Variants in NRXN1 observed in about 807,000 individuals in gnomAD.
NRXN1 encodes the protein neurexin-1.
A neutral mutation model predicts 150.9 loss-of-function variants in NRXN1; 39 were observed. The observed-to-expected ratio is 0.26, with a 90% CI of 0.20 to 0.34. The LOEUF is 0.34. Among genes scored for constraint, NRXN1 ranks in the 10% least tolerant of loss-of-function variants. The probability of loss-of-function intolerance (pLI) is 1.00; values close to 1 mark genes in which losing one functional copy is unlikely to be tolerated. For synonymous variants in NRXN1, 924 were observed against 757.0 expected (o/e 1.22, Z -3.62); for missense variants, 1,815 against 1,949.9 (o/e 0.93, Z 1.30).
At chr2:50,088,973 G>T (rs1018748259) in intron 19 of NRXN1, among the ~76,000 whole-genome samples, 2 of 152,020 alleles carry the variant, frequency 1.3e-5, no homozygotes, top group African/African-American at 2.4e-5. Flanking sequence ...ATGATGTTTG[G>T]CTAATATATC....
rs147717901 is a variant in NRXN1, at chr2:51,014,642, A to G, written c.772+12860T>C. Among the ~76,000 whole-genome samples, 152 of 152,196 alleles carry G rather than the reference A, an allele frequency of 1.0e-3. 1 individual carries two copies. The East Asian group carries it at 0.015, about 15-fold the overall frequency. On this transcript the variant is annotated intron_variant, in intron 2 of 22. Coordinates refer to ENST00000401669, the MANE Select transcript of NRXN1 (RefSeq NM_001330078.2). ...TTTTATAAATAAAAAAGAAGGAATT[A>G]CAAGTGAAGAGTCTGGCCTCAGGAT... is the stretch of plus-strand genomic sequence containing the variant.
intron 17 of NRXN1, among the ~76,000 whole-genome samples, chr2:50,294,950 T>C (rs2073389314): frequency 6.6e-6 from 1 of 152,242 alleles, no homozygotes; most frequent in Non-Finnish European, 1.5e-5. Context: ...AGAGGAATGG[T>C]TTCTTAGGAA....
chr2:50,385,612 C>A (rs1228325247), intron 17 of NRXN1, among the ~76,000 whole-genome samples: 1 of 152,160 alleles, frequency 6.6e-6, no homozygotes, highest in African/African-American at 2.4e-5. Context: ...CACACTACCA[C>A]CACTTTGATT....
At chr2:49,936,917 T>C (rs1481301613) in intron 22 of NRXN1, among the ~76,000 whole-genome samples, 1 of 152,116 alleles carries the variant, frequency 6.6e-6, no homozygotes, top group Non-Finnish European at 1.5e-5. Flanking sequence ...GAATAAAAAC[T>C]GGTTGCTGGG....
chr2:50,785,679 G>GA (rs1334856817), intron 5 of NRXN1, among the ~76,000 whole-genome samples: 1 of 152,130 alleles, frequency 6.6e-6, no homozygotes, highest in Non-Finnish European at 1.5e-5. Flanking sequence ...AGCACTGAGA[G>GA]AAAGTCTGAA....
chr2:50,398,297 G>A (rs563048099), intron 17 of NRXN1, among the ~76,000 whole-genome samples: 2 of 152,214 alleles, frequency 1.3e-5, no homozygotes, highest in South Asian at 4.1e-4. Flanking sequence ...AAAGTTTACT[G>A]GCTATTGTAC....
intron 21 of NRXN1, chr2:49,973,922 G>A (rs1448104538): frequency 1.4e-6 from 1 of 706,900 alleles, no homozygotes; most frequent in African/African-American, 1.8e-5. Flanking sequence ...CCTGCATGCT[G>A]CAGATCTAAG....
chr2:49,928,457 A>ACAC (rs1293504207), intron 22 of NRXN1, among the ~76,000 whole-genome samples: 11 of 152,134 alleles, frequency 7.2e-5, no homozygotes, highest in Non-Finnish European at 1.3e-4. Flanking sequence ...ATAGATGTGG[A>ACAC]AGTTATTATA....
chr2:50,661,210 G>T (rs931515012), intron 5 of NRXN1, among the ~76,000 whole-genome samples: 5 of 152,022 alleles, frequency 3.3e-5, no homozygotes, highest in Admixed American at 3.3e-4. Flanking sequence ...AAGGTTGAAA[G>T]AATCTCTGGT....
At chr2:50,397,080 C>T (rs2082099697) in intron 17 of NRXN1, among the ~76,000 whole-genome samples, 1 of 152,044 alleles carries the variant, frequency 6.6e-6, no homozygotes, top group Admixed American at 6.6e-5. Flanking sequence ...ATGCAAGGAC[C>T]CTACTGTGCA....
intron 17 of NRXN1, among the ~76,000 whole-genome samples, chr2:50,451,642 A>G (rs570970352): frequency 6.6e-6 from 1 of 152,322 alleles, no homozygotes; most frequent in East Asian, 1.9e-4. Flanking sequence ...TTTGAAAGAG[A>G]AGAATGCAGA....
At chr2:50,234,563 T>C (rs1162840673) in intron 18 of NRXN1, among the ~76,000 whole-genome samples, 1 of 152,098 alleles carries the variant, frequency 6.6e-6, no homozygotes, top group Non-Finnish European at 1.5e-5. Flanking sequence ...TTGTTGAGTC[T>C]GTAATGTCTA....
At chr2:50,689,836 T>C (rs1157602608) in intron 5 of NRXN1, among the ~76,000 whole-genome samples, 1 of 150,620 alleles carries the variant, frequency 6.6e-6, no homozygotes. Context: ...TCCCATCAGC[T>C]TGTTTTTTTT....
At chr2:50,457,932 C>CA (rs900119693) in intron 17 of NRXN1, among the ~76,000 whole-genome samples, 1 of 152,038 alleles carries the variant, frequency 6.6e-6, no homozygotes, top group African/African-American at 2.4e-5. Flanking sequence ...GGTGGTTCCT[C>CA]AAAAAATCAA....
In NRXN1 at chr2:49,939,061, TG is replaced by T. The variant is rs1224809235; in HGVS notation, c.4216+4642del. 3.3e-5 allele frequency among the ~76,000 whole-genome samples: 5 copies of T among 152,334 alleles called. No individual in the cohort carries two copies. The East Asian group carries it at 9.6e-4, about 29-fold the overall frequency. On this transcript the variant is annotated intron_variant, in intron 22 of 22. Coordinates refer to ENST00000401669, the MANE Select transcript of NRXN1 (RefSeq NM_001330078.2). ...GTGAAAAACAAAGTCTTGGAAAATA[TG>T]TGCGTGTGTGTATAAAAATAACAAA...
At chr2:50,957,119 T>C (rs1033479368) in intron 2 of NRXN1, among the ~76,000 whole-genome samples, 3 of 152,178 alleles carry the variant, frequency 2.0e-5, no homozygotes, top group Admixed American at 1.3e-4. Flanking sequence ...TGTACAATAC[T>C]CTTTTCTCAA....
chr2:49,926,539 G>A, intron 22 of NRXN1: 1 of 394,144 alleles, frequency 2.5e-6, no homozygotes, highest in East Asian at 3.6e-5. Context: ...GTTCATATCT[G>A]ATGATAATTC....
intron 17 of NRXN1, among the ~76,000 whole-genome samples, chr2:50,356,577 A>T (rs971867901): frequency 6.6e-6 from 1 of 152,130 alleles, no homozygotes; most frequent in African/African-American, 2.4e-5. Context: ...CTGTGTGTTT[A>T]TCTTGACAGG....
chr2:50,815,348 C>T (rs1173092242), intron 5 of NRXN1, among the ~76,000 whole-genome samples: 1 of 152,062 alleles, frequency 6.6e-6, no homozygotes, highest in Non-Finnish European at 1.5e-5. Flanking sequence ...TAGAATGATG[C>T]ATTTTAAACT....
Sources: allele counts gnomAD v4.1 joint callset (sites outside exome capture counted in the v4.1 genomes callset), GRCh38; gene constraint gnomAD v4.1.1; transcripts MANE v1.5; gene names NCBI Gene and HGNC (gene_info 2026-07-23, HGNC 2026-07-21).